Variants in HS3ST4 observed in about 807,000 individuals in gnomAD.
HS3ST4 encodes the protein heparan sulfate glucosamine 3-O-sulfotransferase 4.
In HS3ST4, 17 loss-of-function variants were observed where a neutral mutation model predicts 29.2. That is an observed-to-expected ratio of 0.58 (90% CI 0.40 to 0.87). HS3ST4 has a LOEUF of 0.87. HS3ST4 is among the 40% of genes least tolerant of loss of function. The pLI, the probability that HS3ST4 is intolerant of heterozygous loss-of-function variation, is 0.00. For synonymous variants in HS3ST4, 314 were observed against 285.7 expected (o/e 1.10, Z -1.00); for missense variants, 627 against 634.5 (o/e 0.99, Z 0.13).
intron 1 of HS3ST4, chr16:25,825,787 A>G (rs563146190): frequency 1.3e-5 from 2 of 152,334 alleles, no homozygotes; most frequent in East Asian, 3.9e-4. Flanking sequence ...CTTCATCATC[A>G]TACTAGCATT....
intron 1 of HS3ST4, among the ~76,000 whole-genome samples, chr16:26,111,920 G>A (rs1899134473): frequency 1.3e-5 from 2 of 151,718 alleles, no homozygotes; most frequent in Non-Finnish European, 1.5e-5. Flanking sequence ...ATGAGGCTGA[G>A]GCAGGAGAAT....
intron 1 of HS3ST4, among the ~76,000 whole-genome samples, chr16:25,956,543 T>C (rs1249625032): frequency 6.6e-6 from 1 of 152,194 alleles, no homozygotes; most frequent in Non-Finnish European, 1.5e-5. Flanking sequence ...AGTGATATGA[T>C]CTTATACCTA....
chr16:25,824,267 C>T (rs1391587930), intron 1 of HS3ST4, among the ~76,000 whole-genome samples: 2 of 152,206 alleles, frequency 1.3e-5, no homozygotes, highest in Non-Finnish European at 2.9e-5. Context: ...AAATCCGATC[C>T]TTCCACATAC....
chr16:25,797,000 C>T (rs540020928), intron 1 of HS3ST4, among the ~76,000 whole-genome samples: 5 of 152,248 alleles, frequency 3.3e-5, no homozygotes, highest in East Asian at 1.9e-4. Context: ...GTCTTAATTC[C>T]GGTCCAGAGA....
chr16:25,900,414 GTC>G (rs1402004239), intron 1 of HS3ST4, among the ~76,000 whole-genome samples: 4 of 152,088 alleles, frequency 2.6e-5, no homozygotes, highest in Admixed American at 1.3e-4. Flanking sequence ...AAAAAAGTGA[GTC>G]TCTGTTGTTT....
Position 25,836,445 on chromosome 16 carries a change from T to C in HS3ST4, c.734+143294T>C, listed in dbSNP as rs1967357184. Reference sequence around the variant, plus strand: ...AAAATGATGCCACTGCTGATTTTACTACATTCAAAAGTGTTTTAATTTGTA... The same window carrying C: ...AAAATGATGCCACTGCTGATTTTACCACATTCAAAAGTGTTTTAATTTGTA... On this transcript the variant is annotated intron_variant, in intron 1 of 1. Transcript: ENST00000331351. Among the ~76,000 whole-genome samples, 3 of 152,250 alleles carry C rather than the reference T, an allele frequency of 2.0e-5. No individual in the cohort carries two copies. The South Asian group carries it at 6.2e-4, about 31-fold the overall frequency.
intron 1 of HS3ST4, among the ~76,000 whole-genome samples, chr16:25,813,493 A>T (rs553710447): frequency 3.3e-5 from 5 of 152,246 alleles, no homozygotes; most frequent in African/African-American, 1.2e-4. Context: ...GCTACTTGGG[A>T]GGCTGAGGGA....
chr16:26,030,374 C>G (rs955727956), intron 1 of HS3ST4, among the ~76,000 whole-genome samples: 1 of 152,152 alleles, frequency 6.6e-6, no homozygotes, highest in Non-Finnish European at 1.5e-5. Context: ...CCGTTGCACT[C>G]TAGCCTAGGC....
intron 1 of HS3ST4, among the ~76,000 whole-genome samples, chr16:26,063,364 A>G (rs1326512150): frequency 2.0e-5 from 3 of 152,114 alleles, no homozygotes; most frequent in African/African-American, 7.2e-5. Context: ...AAATGAGACC[A>G]TGCTCAGCCT....
intron 1 of HS3ST4, among the ~76,000 whole-genome samples, chr16:25,753,548 C>A (rs758737505): frequency 4.5e-4 from 69 of 152,172 alleles, no homozygotes; most frequent in Non-Finnish European, 9.0e-4. Flanking sequence ...ATTTGTGTTA[C>A]TATTTTCATG....
At chr16:25,805,952 C>G (rs1015306424) in intron 1 of HS3ST4, among the ~76,000 whole-genome samples, 1 of 152,108 alleles carries the variant, frequency 6.6e-6, no homozygotes, top group Non-Finnish European at 1.5e-5. Flanking sequence ...GAGAACATAA[C>G]AGTGTTTGGT....
At chr16:25,762,904 A>AAAAAG (rs1966797814) in intron 1 of HS3ST4, among the ~76,000 whole-genome samples, 2 of 149,742 alleles carry the variant, frequency 1.3e-5, no homozygotes. Context: ...AAAAAAGAAA[A>AAAAAG]AAGAAAGAAA....
chr16:25,811,252 CA>C (rs1352700345), intron 1 of HS3ST4, among the ~76,000 whole-genome samples: 2 of 151,992 alleles, frequency 1.3e-5, no homozygotes, highest in African/African-American at 4.8e-5. Context: ...CCACCTCTGT[CA>C]ACCCCAAGAG....
rs148785950 is a variant in HS3ST4, at chr16:26,024,217, C to T, written c.735-111395C>T. 5.9e-4 allele frequency among the ~76,000 whole-genome samples: 81 copies of T among 136,952 alleles called. 1 individual carries two copies. Among genetic ancestry groups the T allele is most frequent in the Non-Finnish European group, 1.6e-4 (10 of 64,380 alleles). The allele number at this position is 136,952 out of a possible 152,430, so 89.8% of individuals were successfully genotyped here. On this transcript the variant is annotated intron_variant, in intron 1 of 1. Transcript: ENST00000331351. ...CAGCCCAGGCAACAGAGAGAGACTC[C>T]GTCTCAAAAGGAAAAAAAAAAAAAA...
chr16:25,822,660 T>A (rs1208374303), intron 1 of HS3ST4, among the ~76,000 whole-genome samples: 6 of 152,144 alleles, frequency 3.9e-5, no homozygotes, highest in Non-Finnish European at 5.9e-5. Flanking sequence ...AGTGTGCTTT[T>A]TTCTTCAGCA....
intron 1 of HS3ST4, among the ~76,000 whole-genome samples, chr16:25,781,041 A>G (rs933010571): frequency 6.6e-6 from 1 of 152,174 alleles, no homozygotes; most frequent in Non-Finnish European, 1.5e-5. Flanking sequence ...TGCAATTACC[A>G]AGACTTTGGA....
chr16:25,941,088 T>C (rs756558959), intron 1 of HS3ST4, among the ~76,000 whole-genome samples: 2 of 152,200 alleles, frequency 1.3e-5, no homozygotes, highest in African/African-American at 2.4e-5. Context: ...TCCTGCACCA[T>C]TGAGACCAAA....
intron 1 of HS3ST4, among the ~76,000 whole-genome samples, chr16:25,767,372 T>A (rs994568807): frequency 1.3e-5 from 2 of 151,790 alleles, no homozygotes; most frequent in Non-Finnish European, 2.9e-5. Context: ...GTCAAATTAG[T>A]GAAGGGGGCC....
intron 1 of HS3ST4, among the ~76,000 whole-genome samples, chr16:25,846,614 A>G (rs1313925031): frequency 6.6e-6 from 1 of 151,938 alleles, no homozygotes; most frequent in Non-Finnish European, 1.5e-5. Flanking sequence ...CAGCCCACAG[A>G]TATTTACATC....
Sources: gnomAD v4.1 joint callset for allele counts (sites outside exome capture counted in the v4.1 genomes callset) on GRCh38, gnomAD v4.1.1 for gene constraint, MANE v1.5 for transcripts, NCBI Gene and HGNC (gene_info 2026-07-23, HGNC 2026-07-21) for gene names.